Variants in CDYL2 observed in about 807,000 individuals in gnomAD.
The protein encoded by CDYL2 is chromodomain Y like 2, also known as chromodomain Y-like protein 2.
CDYL2 carries 23 observed loss-of-function variants against 49.4 expected under a neutral mutation model. That is an observed-to-expected ratio of 0.47 (90% CI 0.34 to 0.66). The LOEUF (loss-of-function observed/expected upper bound fraction) is 0.66. CDYL2 is among the 30% of genes least tolerant of loss of function. CDYL2 has a pLI of 0.01. For synonymous variants in CDYL2, 360 were observed against 268.8 expected, an observed-to-expected ratio of 1.34 and a Z score of -3.32; for missense variants, 678 against 656.4, an observed-to-expected ratio of 1.03 and a Z score of -0.36.
intron 1 of CDYL2, among the ~76,000 whole-genome samples, chr16:80,689,642 G>A (rs897185885): frequency 2.6e-5 from 4 of 152,168 alleles, no homozygotes; most frequent in Non-Finnish European, 4.4e-5. Flanking sequence ...GCAACAAGAG[G>A]AACGGATACT....
chr16:80,729,346 G>C (rs1234862308), intron 1 of CDYL2, among the ~76,000 whole-genome samples: 1 of 151,872 alleles, frequency 6.6e-6, no homozygotes, highest in Non-Finnish European at 1.5e-5. Context: ...GATCAAAAGA[G>C]ACAAAGAAGG....
In CDYL2 at chr16:80,612,871, C is replaced by T. The variant is rs746768474; in HGVS notation, c.1008-35G>A. 6.5e-7 allele frequency: 1 copy of T among 1,548,574 alleles called. No homozygotes were observed. Among genetic ancestry groups the T allele is most frequent in the South Asian group, 1.2e-5 (1 of 81,600 alleles). ...AAAGAAGATCCTCTTGAACAGGTGA[C>T]TATAGCATGCTAAGCCCCACTGGAA... On this transcript the variant is annotated intron_variant, in intron 4 of 6. Coordinates refer to ENST00000570137, the MANE Select transcript of CDYL2 (RefSeq NM_152342.4). The surrounding 1 kb of genome is among the most constrained non-coding windows in gnomAD (Gnocchi z 5.0).
At chr16:80,626,589 C>G (rs1386744329) in intron 3 of CDYL2, among the ~76,000 whole-genome samples, 1 of 151,894 alleles carries the variant, frequency 6.6e-6, no homozygotes, top group Non-Finnish European at 1.5e-5. Context: ...TAAAGAACAC[C>G]CAATCACTGG....
upstream of CDYL2, among the ~76,000 whole-genome samples, chr16:80,804,830 G>T (rs1456122374): frequency 1.3e-5 from 2 of 151,288 alleles, no homozygotes; most frequent in Non-Finnish European, 3.0e-5. Context: ...GGGGAGCCAG[G>T]TAGAGGGCTG....
chr16:80,674,933 A>G (rs1567565996), intron 2 of CDYL2, among the ~76,000 whole-genome samples: 1 of 152,132 alleles, frequency 6.6e-6, no homozygotes, highest in Non-Finnish European at 1.5e-5. Flanking sequence ...GTGTGTGTGT[A>G]TATATGATGT....
intron 1 of CDYL2, among the ~76,000 whole-genome samples, chr16:80,686,180 G>A (rs1239003300): frequency 6.6e-6 from 1 of 152,164 alleles, no homozygotes; most frequent in Non-Finnish European, 1.5e-5. Flanking sequence ...GTCTTCAAAG[G>A]CAAGAAAACC....
At chr16:80,699,621 TA>T (rs1394597992) in intron 1 of CDYL2, among the ~76,000 whole-genome samples, 1 of 152,222 alleles carries the variant, frequency 6.6e-6, no homozygotes, top group African/African-American at 2.4e-5. Flanking sequence ...TGAATATAGT[TA>T]ACAAAATTTT....
At chr16:80,780,600 T>C (rs1219553968) in intron 1 of CDYL2, among the ~76,000 whole-genome samples, 1 of 151,794 alleles carries the variant, frequency 6.6e-6, no homozygotes, top group African/African-American at 2.4e-5. Context: ...AGAGACGAGG[T>C]TTCACCGTGT....
intron 3 of CDYL2, among the ~76,000 whole-genome samples, chr16:80,631,445 T>C (rs948153106): frequency 1.3e-5 from 2 of 152,248 alleles, no homozygotes; most frequent in Non-Finnish European, 2.9e-5. Flanking sequence ...TTTTGAATGA[T>C]GTTGTCAATC....
intron 1 of CDYL2, among the ~76,000 whole-genome samples, chr16:80,795,808 TG>T (rs1425180918): frequency 1.3e-5 from 2 of 152,342 alleles, no homozygotes; most frequent in East Asian, 3.9e-4. Context: ...GCTCTACGCT[TG>T]CCCCTCATTA....
At chr16:80,768,620 G>C (rs1460381743) in intron 1 of CDYL2, among the ~76,000 whole-genome samples, 3 of 152,122 alleles carry the variant, frequency 2.0e-5, no homozygotes, top group Non-Finnish European at 4.4e-5. Flanking sequence ...CCATCTATGT[G>C]GGCCCACCTT....
chr16:80,749,357 A>G (rs1483477187), intron 1 of CDYL2, among the ~76,000 whole-genome samples: 2 of 152,218 alleles, frequency 1.3e-5, no homozygotes, highest in African/African-American at 4.8e-5. Context: ...AACTTTTCAC[A>G]ATAACAAATG....
chr16:80,674,456 G>A (rs576928481), intron 2 of CDYL2, among the ~76,000 whole-genome samples: 12 of 151,796 alleles, frequency 7.9e-5, no homozygotes, highest in African/African-American at 2.7e-4. Context: ...CAGCTTTACT[G>A]AGATTTATTT....
chr16:80,782,732 T>C (rs1406464230), intron 1 of CDYL2, among the ~76,000 whole-genome samples: 3 of 151,702 alleles, frequency 2.0e-5, no homozygotes, highest in African/African-American at 4.8e-5. Flanking sequence ...ATGAGTAGAA[T>C]GATGGAAAAA....
Position 80,656,449 on chromosome 16 carries a change from A to G in CDYL2, c.617-23213T>C, listed in dbSNP as rs199890588. Among the ~76,000 whole-genome samples, 19 of 152,360 alleles carry G rather than the reference A, an allele frequency of 1.2e-4. No individual in the cohort carries two copies. The East Asian group carries it at 3.1e-3, about 25-fold the overall frequency. On this transcript the variant is annotated intron_variant, in intron 2 of 6. Coordinates refer to ENST00000570137, the MANE Select transcript of CDYL2 (RefSeq NM_152342.4). ...CCCTCATGGGCTGCAGGGCTGGACA[A>G]CTTGCTCGCCTGTTCTGTGCCCCCA...
intron 1 of CDYL2, among the ~76,000 whole-genome samples, chr16:80,688,727 C>G (rs940171361): frequency 6.6e-6 from 1 of 152,156 alleles, no homozygotes; most frequent in East Asian, 1.9e-4. Context: ...GACTCTTTTC[C>G]TCTTCTCAGG....
At chr16:80,677,351 G>A (rs1597166773) in intron 2 of CDYL2, among the ~76,000 whole-genome samples, 1 of 152,274 alleles carries the variant, frequency 6.6e-6, no homozygotes, top group East Asian at 1.9e-4. Flanking sequence ...TTTCTCTATG[G>A]AAGTGATGAT....
intron 1 of CDYL2, among the ~76,000 whole-genome samples, chr16:80,763,272 A>AGTCAACAG (rs1906595136): frequency 8.6e-6 from 1 of 116,348 alleles, no homozygotes; most frequent in African/African-American, 3.3e-5. Flanking sequence ...AACTGTGGCT[A>AGTCAACAG]CTCAACAGCT....
chr16:80,615,921 G>A (rs888744855), intron 4 of CDYL2, among the ~76,000 whole-genome samples: 5 of 152,206 alleles, frequency 3.3e-5, no homozygotes, highest in Non-Finnish European at 7.3e-5. Flanking sequence ...GCAGCAAACA[G>A]GATATTGCAT....
Sources: allele counts gnomAD v4.1 joint callset (sites outside exome capture counted in the v4.1 genomes callset), GRCh38; gene constraint gnomAD v4.1.1; non-coding constraint Gnocchi (gnomAD v3.1); transcripts MANE v1.5; gene names NCBI Gene and HGNC (gene_info 2026-07-23, HGNC 2026-07-21).